Variants in BEND7 observed in about 807,000 individuals in gnomAD.
BEND7 encodes the protein BEN domain containing 7, also known as BEN domain-containing protein 7.
Under a neutral mutation model 50.9 loss-of-function variants are expected in BEND7, and 28 were observed. That is an observed-to-expected ratio of 0.55 (90% CI 0.41 to 0.75). The LOEUF (loss-of-function observed/expected upper bound fraction) is 0.75, where lower values mean the gene tolerates loss of function less well. BEND7 is among the 30% of genes least tolerant of loss of function. The pLI is 0.00. For missense variants in BEND7, 477 were observed against 491.3 expected, an observed-to-expected ratio of 0.97 and a Z score of 0.28; for synonymous variants, 170 against 183.9, an observed-to-expected ratio of 0.92 and a Z score of 0.61.
intron 2 of BEND7, among the ~76,000 whole-genome samples, chr10:13,502,539 C>T (rs574034565): frequency 6.6e-5 from 10 of 152,176 alleles, no homozygotes; most frequent in Non-Finnish European, 1.5e-4. Context: ...AAATTTACTA[C>T]TTTCTCGAGA....
chr10:13,463,438 A>G lies in BEND7; in HGVS notation c.1064-10780T>C, dbSNP rs536202717. Among the ~76,000 whole-genome samples, 16 of 152,348 alleles carry G rather than the reference A, an allele frequency of 1.1e-4. No homozygotes were observed. The East Asian group carries it at 2.9e-3, about 28-fold the overall frequency. On this transcript the variant is annotated intron_variant, in intron 6 of 8. Transcript: ENST00000466271. ...GATGGCTCAAAGACGAAGGTAGATA[A>G]AAGACCAAATGTAAACATGTGTGAG... is the stretch of plus-strand genomic sequence containing the variant.
rs74122739 is a variant in BEND7, at chr10:13,468,460, C to A, written c.1063+12439G>T. ...GAGGAAGCACCGGGAAATATGTTCACAAGGAGAGAGAAATTCAAGTTACGG... is the reference window on the plus strand; with the variant it reads ...GAGGAAGCACCGGGAAATATGTTCAAAAGGAGAGAGAAATTCAAGTTACGG... On this transcript the variant is annotated intron_variant, in intron 6 of 8. Transcript: ENST00000466271. Among the ~76,000 whole-genome samples, 950 of 152,176 alleles carry A rather than the reference C, an allele frequency of 6.2e-3. 8 individuals are homozygous for A. The highest frequency in any genetic ancestry group is 0.022 in the African/African-American group (927 of 41,520).
At chr10:13,460,730 C>T (rs970687357) in intron 6 of BEND7, among the ~76,000 whole-genome samples, 1 of 152,226 alleles carries the variant, frequency 6.6e-6, no homozygotes, top group African/African-American at 2.4e-5. Flanking sequence ...GTTTTTCTCA[C>T]GTTTTTGTTG....
At chr10:13,474,036 C>T (rs972025611) in intron 6 of BEND7, among the ~76,000 whole-genome samples, 3 of 150,584 alleles carry the variant, frequency 2.0e-5, no homozygotes, top group African/African-American at 7.3e-5. Flanking sequence ...GGCTGATATC[C>T]ATTATCGCTC....
intron 6 of BEND7, among the ~76,000 whole-genome samples, chr10:13,470,295 C>A (rs963142878): frequency 2.0e-5 from 3 of 152,228 alleles, no homozygotes; most frequent in African/African-American, 7.2e-5. Context: ...GAAACTGTCA[C>A]AATAAATATA....
At chr10:13,503,693 C>G (rs2077650430) in intron 2 of BEND7, among the ~76,000 whole-genome samples, 2 of 151,892 alleles carry the variant, frequency 1.3e-5, no homozygotes, top group African/African-American at 4.8e-5. Context: ...GCCTGGGCAA[C>G]AGGGTGAGAC....
At chr10:13,472,644 C>T (rs147976438) in intron 6 of BEND7, among the ~76,000 whole-genome samples, 4 of 151,676 alleles carry the variant, frequency 2.6e-5, no homozygotes, top group African/African-American at 4.8e-5. Context: ...CTCTTAGACT[C>T]GGGGTCGATA....
intron 6 of BEND7, among the ~76,000 whole-genome samples, 166 bp from the exon 7 acceptor site, chr10:13,452,824 T>C (rs563302350): frequency 7.9e-5 from 12 of 152,236 alleles, no homozygotes; most frequent in African/African-American, 1.4e-4. Flanking sequence ...AAGATGGAGA[T>C]TGACAGGTCC....
rs117164963 is a variant in BEND7 at position 13,493,773 on chromosome 10, G to C, written c.572-897C>G. Among the ~76,000 whole-genome samples the C allele has an allele frequency of 1.4e-3, 206 of 152,260 alleles. 4 individuals carry two copies. The East Asian group carries it at 0.035, about 26-fold the overall frequency. Reference sequence around the variant, plus strand: ...AATACTCTCTTGGAAAGTGTAATTGGAAAACATGGCATCATTGTTTAAATC... The same window carrying C: ...AATACTCTCTTGGAAAGTGTAATTGCAAAACATGGCATCATTGTTTAAATC... On this transcript the variant is annotated intron_variant, in intron 4 of 8. Transcript: ENST00000466271.
intron 6 of BEND7, among the ~76,000 whole-genome samples, chr10:13,458,636 C>A (rs998079624): frequency 6.6e-6 from 1 of 152,208 alleles, no homozygotes; most frequent in Non-Finnish European, 1.5e-5. Context: ...TCAAGGTTTA[C>A]AGCACGCAGA....
chr10:13,521,647 C>T (rs1280945690), intron 2 of BEND7, among the ~76,000 whole-genome samples: 1 of 152,172 alleles, frequency 6.6e-6, no homozygotes, highest in Non-Finnish European at 1.5e-5. Context: ...CACTTTTCCC[C>T]CTTGGCCCTT....
chr10:13,467,706 C>G (rs147679872), intron 6 of BEND7, among the ~76,000 whole-genome samples: 1 of 152,294 alleles, frequency 6.6e-6, no homozygotes, highest in Non-Finnish European at 1.5e-5. Context: ...TCCAACTTGT[C>G]ATGGAGAAGT....
intron 5 of BEND7, among the ~76,000 whole-genome samples, chr10:13,487,527 C>T (rs1275726184): frequency 6.6e-6 from 1 of 151,874 alleles, no homozygotes; most frequent in Non-Finnish European, 1.5e-5. Context: ...GCTGGGATTA[C>T]AGGCATGCGC....
downstream of BEND7, chr10:13,439,603 C>A: frequency 1.6e-5 from 18 of 1,122,046 alleles, no homozygotes; most frequent in South Asian, 3.1e-4. Context: ...GCAAGTGACA[C>A]CCCTCCTGGT....
intron 2 of BEND7, among the ~76,000 whole-genome samples, chr10:13,509,283 CTT>C (rs1370688858): frequency 6.6e-6 from 1 of 152,218 alleles, no homozygotes; most frequent in Non-Finnish European, 1.5e-5. Context: ...CCTATACTCT[CTT>C]TGTTTTTGCA....
chr10:13,447,353 T>C, intron 7 of BEND7, 37 bp from the exon 8 acceptor site: 1 of 1,608,014 alleles, frequency 6.2e-7, no homozygotes, highest in Middle Eastern at 1.7e-4. Flanking sequence ...ATCTCATTAG[T>C]TCCAGGGAGC....
chr10:13,452,203 T>G (rs527713006), intron 7 of BEND7, among the ~76,000 whole-genome samples: 2 of 152,320 alleles, frequency 1.3e-5, no homozygotes, highest in South Asian at 4.1e-4. Flanking sequence ...GTCATGCAGA[T>G]TCAAACAAAT....
chr10:13,480,586 G>T, intron 6 of BEND7: 1 of 900,014 alleles, frequency 1.1e-6, no homozygotes. Context: ...GTCATATTCT[G>T]AGGAAGCTCT....
intron 6 of BEND7, among the ~76,000 whole-genome samples, chr10:13,460,744 C>T: frequency 6.6e-6 from 1 of 152,154 alleles, no homozygotes; most frequent in East Asian, 1.9e-4. Context: ...TTTGTTGATT[C>T]TTATTAAGTG....
Sources: gnomAD v4.1 joint callset for allele counts (sites outside exome capture counted in the v4.1 genomes callset) on GRCh38, gnomAD v4.1.1 for gene constraint, MANE v1.5 for transcripts, NCBI Gene and HGNC (gene_info 2026-07-23, HGNC 2026-07-21) for gene names.